DPF3: variants seen among roughly 807,000 people sequenced by gnomAD.
DPF3 encodes the protein zinc finger protein DPF3.
A neutral mutation model predicts 56.8 loss-of-function variants in DPF3; 18 were observed. That is an observed-to-expected ratio of 0.32 (90% CI 0.22 to 0.47). DPF3 has a LOEUF of 0.47. Among genes scored for constraint, DPF3 ranks in the 20% least tolerant of loss-of-function variants. The pLI is 1.00. For synonymous variants in DPF3, 188 were observed against 180.2 expected (o/e 1.04, Z -0.35); for missense variants, 403 against 488.8 (o/e 0.82, Z 1.65).
chr14:72,791,018 C>T (rs186195731), intron 1 of DPF3, among the ~76,000 whole-genome samples: 175 of 152,256 alleles, frequency 1.1e-3, no homozygotes, highest in African/African-American at 4.1e-3. Flanking sequence ...GGGATTTCCT[C>T]TCCCCGCCCC....
chr14:72,821,506 C>T (rs574866812), intron 1 of DPF3, among the ~76,000 whole-genome samples: 110 of 150,114 alleles, frequency 7.3e-4, no homozygotes, highest in African/African-American at 2.5e-3. Flanking sequence ...GTTGAGTAAA[C>T]GCTGGCATCA....
At chr14:72,667,641 C>T (rs1374099415) in intron 8 of DPF3, among the ~76,000 whole-genome samples, 1 of 152,172 alleles carries the variant, frequency 6.6e-6, no homozygotes, top group Non-Finnish European at 1.5e-5. Context: ...TCTCTTTGTA[C>T]ATTGTCTAGA....
chr14:72,649,445 AGAGT>A (rs1437643659), intron 8 of DPF3, among the ~76,000 whole-genome samples: 4 of 152,190 alleles, frequency 2.6e-5, no homozygotes, highest in Non-Finnish European at 5.9e-5. Context: ...AGGTTCCAGA[AGAGT>A]GAGGACAGAG....
At chr14:72,780,570 T>C (rs557951836) in intron 1 of DPF3, among the ~76,000 whole-genome samples, 1 of 152,284 alleles carries the variant, frequency 6.6e-6, no homozygotes, top group African/African-American at 2.4e-5. Context: ...CATGGGAACA[T>C]GAGGTGAGCC....
intron 3 of DPF3, among the ~76,000 whole-genome samples, chr14:72,749,458 T>C (rs1890466010): frequency 6.6e-6 from 1 of 152,228 alleles, no homozygotes; most frequent in Non-Finnish European, 1.5e-5. Context: ...CTTTGGACTG[T>C]GGACTTCTGA....
intron 1 of DPF3, among the ~76,000 whole-genome samples, chr14:72,800,735 T>C (rs1892856802): frequency 6.6e-6 from 1 of 152,054 alleles, no homozygotes; most frequent in Non-Finnish European, 1.5e-5. Context: ...GATAGATGCA[T>C]GGGTGGATGC....
intron 1 of DPF3, among the ~76,000 whole-genome samples, chr14:72,804,089 G>A (rs1892992254): frequency 6.6e-6 from 1 of 151,936 alleles, no homozygotes; most frequent in Admixed American, 6.6e-5. Flanking sequence ...GGACAATGAG[G>A]ACCAAATGAC....
intron 1 of DPF3, among the ~76,000 whole-genome samples, chr14:72,804,672 C>T (rs184347814): frequency 1.1e-4 from 16 of 152,094 alleles, no homozygotes; most frequent in South Asian, 2.1e-4. Context: ...GTCGTGAGCA[C>T]GAGAAAGTGC....
chr14:72,778,323 TAG>T (rs1336503883), intron 1 of DPF3, among the ~76,000 whole-genome samples: 2 of 152,122 alleles, frequency 1.3e-5, no homozygotes, highest in South Asian at 2.1e-4. Context: ...ATGGCAGCAC[TAG>T]AGTCTCATAG....
chr14:72,886,644 G>T (rs530280484), intron 1 of DPF3, among the ~76,000 whole-genome samples: 9 of 152,174 alleles, frequency 5.9e-5, no homozygotes, highest in African/African-American at 2.2e-4. Context: ...TGACCATTTT[G>T]TTTTCTCTTT....
intron 1 of DPF3, among the ~76,000 whole-genome samples, chr14:72,846,078 G>GTTTATTTTATTTTATTTTAT (rs58779335): frequency 0.012 from 1,559 of 133,706 alleles, 18 homozygotes; most frequent in African/African-American, 0.019. Flanking sequence ...TTATTTTACT[G>GTTTATTTTATTTTATTTTAT]TTTATTTTAT....
Position 72,774,262 on chromosome 14 carries a change from T to TTAA in DPF3, c.33-2370_33-2369insTTA, listed in dbSNP as rs1891665594. ...CTGGGCGACAGGGTGAGACTCTGTC[T>TTAA]AAAAAAAAAAAAAAAAAAAAAAAAA... On this transcript the variant is annotated intron_variant, in intron 1 of 10. Transcript: ENST00000556509. 3.3e-4 allele frequency among the ~76,000 whole-genome samples: 20 copies of TTAA among 61,016 alleles called. No individual in the cohort carries two copies. The South Asian group carries it at 0.014, about 43-fold the overall frequency. The allele number at this position is 61,016 out of a possible 152,430, so 40.0% of individuals were successfully genotyped here.
chr14:72,723,589 A>T, intron 5 of DPF3, 44 bp downstream of exon 5: 23 of 1,452,100 alleles, frequency 1.6e-5, no homozygotes, highest in Non-Finnish European at 2.0e-5. Context: ...CGGGCACCCC[A>T]GCCTCCCTCA....
chr14:72,833,568 GA>G (rs1008670436), intron 1 of DPF3, among the ~76,000 whole-genome samples: 153 of 149,514 alleles, frequency 1.0e-3, no homozygotes, highest in South Asian at 1.7e-3. Flanking sequence ...AACTCTGGGG[GA>G]AAAAAAAAAT....
At chr14:72,665,890 G>GT (rs140103920) in intron 8 of DPF3, among the ~76,000 whole-genome samples, 4,360 of 152,284 alleles carry the variant, frequency 0.029, 107 homozygotes, top group African/African-American at 0.062. Flanking sequence ...TTTTGTAAGT[G>GT]TAAATTATTT....
chr14:72,710,969 G>T (rs537255689), intron 6 of DPF3, among the ~76,000 whole-genome samples: 1 of 152,270 alleles, frequency 6.6e-6, no homozygotes, highest in East Asian at 1.9e-4. Context: ...CTGAGTAAAA[G>T]GCATCAAGCA....
At chr14:72,671,101 G>C in intron 8 of DPF3, 1 of 1,609,968 alleles carries the variant, frequency 6.2e-7, no homozygotes, top group South Asian at 1.1e-5. Context: ...GTCAGAGGGG[G>C]ATGGCTAATT....
At chr14:72,744,016 A>G (rs1382958265) in intron 3 of DPF3, among the ~76,000 whole-genome samples, 1 of 152,238 alleles carries the variant, frequency 6.6e-6, no homozygotes, top group African/African-American at 2.4e-5. Context: ...AAGACTGACT[A>G]GAGGGGTGAC....
At chr14:72,739,754 A>T (rs1890052821) in intron 3 of DPF3, among the ~76,000 whole-genome samples, 1 of 152,226 alleles carries the variant, frequency 6.6e-6, no homozygotes, top group Admixed American at 6.5e-5. Flanking sequence ...GCAGAGCCAC[A>T]GTGGAAGATA....
Sources: allele counts gnomAD v4.1 joint callset (sites outside exome capture counted in the v4.1 genomes callset), GRCh38; gene constraint gnomAD v4.1.1; transcripts MANE v1.5; gene names NCBI Gene and HGNC (gene_info 2026-07-23, HGNC 2026-07-21).